RARB: variants seen among roughly 807,000 people sequenced by gnomAD.
RARB encodes retinoic acid receptor beta, also known as HBV-activated protein.
A neutral mutation model predicts 51.9 loss-of-function variants in RARB; 17 were observed. That is an observed-to-expected ratio of 0.33 (90% CI 0.22 to 0.49). RARB has a LOEUF of 0.49. RARB is among the 20% of genes least tolerant of loss of function. The pLI is 0.99. For synonymous variants in RARB, 215 were observed against 195.4 expected, an observed-to-expected ratio of 1.10 and a Z score of -0.84; for missense variants, 369 against 550.8, an observed-to-expected ratio of 0.67 and a Z score of 3.30.
chr3:25,381,441 C>T (rs540174207), intron 5 of RARB, among the ~76,000 whole-genome samples: 1 of 152,198 alleles, frequency 6.6e-6, no homozygotes, highest in African/African-American at 2.4e-5. Flanking sequence ...CTCCGGATCA[C>T]ATTTGTCAAA....
At chr3:24,985,190 T>A (rs909158054) in intron 2 of RARB, among the ~76,000 whole-genome samples, 1 of 152,204 alleles carries the variant, frequency 6.6e-6, no homozygotes, top group African/African-American at 2.4e-5. Context: ...CTCGTTCACA[T>A]ACTAACTTGT....
chr3:25,459,481 G>T (rs992995724), intron 1 of RARB, among the ~76,000 whole-genome samples: 1 of 152,192 alleles, frequency 6.6e-6, no homozygotes, highest in Non-Finnish European at 1.5e-5. Flanking sequence ...CTATTGGAGG[G>T]CTTTAGATAG....
At chr3:25,593,839 A>G (rs1385076811) in intron 6 of RARB, 132 bp downstream of exon 6, 31 of 786,438 alleles carry the variant, frequency 3.9e-5, no homozygotes, top group Non-Finnish European at 5.4e-5. Context: ...CCAGGCATAC[A>G]TGCCTGGTTT....
intron 5 of RARB, among the ~76,000 whole-genome samples, chr3:25,365,933 G>A (rs556656865): frequency 2.6e-4 from 40 of 152,330 alleles, no homozygotes; most frequent in African/African-American, 9.4e-4. Flanking sequence ...TCCATTCATG[G>A]AGAGGAAACA....
At chr3:25,550,828 G>A (rs1243193533) in intron 3 of RARB, among the ~76,000 whole-genome samples, 1 of 152,126 alleles carries the variant, frequency 6.6e-6, no homozygotes, top group African/African-American at 2.4e-5. Context: ...TTATAAGTGA[G>A]GACATGTGGT....
intron 3 of RARB, among the ~76,000 whole-genome samples, chr3:25,560,563 C>T (rs139242852): frequency 6.6e-6 from 1 of 152,218 alleles, no homozygotes; most frequent in East Asian, 1.9e-4. Context: ...TTCAGACAGA[C>T]AGTCCTAACA....
At position 25,327,854 on chromosome 3, in the gene RARB, T is replaced by A. The variant is rs894701818; in HGVS notation, c.179-133339T>A. ...GACTATAGGCAAGTAATACTAATAATGAGGTATATGAAAGAAAATTAAGAG... is the reference window on the plus strand; with the variant it reads ...GACTATAGGCAAGTAATACTAATAAAGAGGTATATGAAAGAAAATTAAGAG... On this transcript the variant is annotated intron_variant, in intron 5 of 11. Transcript: ENST00000383772. Among the ~76,000 whole-genome samples the A allele has an allele frequency of 3.9e-5, 6 of 152,188 alleles. No individual in the cohort carries two copies. In the South Asian group the frequency reaches 1.2e-3, roughly 31 times the overall value.
intron 3 of RARB, among the ~76,000 whole-genome samples, chr3:25,117,656 G>A (rs969156884): frequency 6.6e-6 from 1 of 152,086 alleles, no homozygotes; most frequent in Non-Finnish European, 1.5e-5. Context: ...CTGAGCTTAG[G>A]GTAATGGCAG....
At chr3:24,867,418 C>T (rs1702871005) in intron 2 of RARB, among the ~76,000 whole-genome samples, 1 of 152,132 alleles carries the variant, frequency 6.6e-6, no homozygotes, top group African/African-American at 2.4e-5. Context: ...GCGAAGGCAG[C>T]CTCACTTTCC....
rs200080822 is a variant in RARB, at chr3:24,836,152, GAT to G, written c.-459+6751_-459+6752del. On this transcript the variant is annotated intron_variant, in intron 1 of 11. Transcript: ENST00000383772. ...CTAGATCTGAGCAGAAGAGAAATAAGATAGCATTGTGTAAAGGAAATGAACCT... is the reference window on the plus strand; with the variant it reads ...CTAGATCTGAGCAGAAGAGAAATAAGAGCATTGTGTAAAGGAAATGAACCT... Among the ~76,000 whole-genome samples, 1,142 of 152,302 alleles carry G rather than the reference GAT, an allele frequency of 7.5e-3. 16 individuals are homozygous for G. The highest frequency in any genetic ancestry group is 0.017 in the Middle Eastern group (5 of 294).
At chr3:25,450,856 A>AG (rs1338695376) in intron 1 of RARB, among the ~76,000 whole-genome samples, 1 of 152,112 alleles carries the variant, frequency 6.6e-6, no homozygotes, top group African/African-American at 2.4e-5. Flanking sequence ...GAGGCCAAGG[A>AG]GGAGGATCAC....
chr3:25,401,424 C>A lies in RARB; in HGVS notation c.179-59769C>A, dbSNP rs1707260335. On this transcript the variant is annotated intron_variant, in intron 5 of 11. Coordinates refer to the RARB transcript ENST00000383772. The stretch of plus-strand genomic sequence containing the variant: ...ACGTTCCTCGCTCTACCAAAACTTA[C>A]CAGACATACTAAGAAATAAGACCAG... 2.0e-5 allele frequency among the ~76,000 whole-genome samples: 3 copies of A among 152,218 alleles called. No individual in the cohort carries two copies. In the South Asian group the frequency reaches 6.2e-4, roughly 32 times the overall value.
At chr3:25,000,110 G>T (rs573399480) in intron 2 of RARB, among the ~76,000 whole-genome samples, 129 of 152,170 alleles carry the variant, frequency 8.5e-4, no homozygotes, top group Non-Finnish European at 9.9e-4. Context: ...AAGGAAAAAG[G>T]TGTTATGTTT....
intron 3 of RARB, among the ~76,000 whole-genome samples, chr3:25,066,128 C>A (rs780342289): frequency 3.3e-5 from 5 of 152,158 alleles, no homozygotes; most frequent in African/African-American, 4.8e-5. Flanking sequence ...GCTGCCCTTT[C>A]ATTTTAATGT....
At chr3:25,353,735 T>C (rs943699571) in intron 5 of RARB, among the ~76,000 whole-genome samples, 2 of 152,100 alleles carry the variant, frequency 1.3e-5, no homozygotes, top group East Asian at 3.9e-4. Flanking sequence ...TTTTCTTCTT[T>C]GGCCAGATAA....
chr3:25,259,591 T>G, intron 5 of RARB, among the ~76,000 whole-genome samples: 1 of 152,250 alleles, frequency 6.6e-6, no homozygotes, highest in Non-Finnish European at 1.5e-5. Flanking sequence ...TGACTGGACT[T>G]CACATGAGCA....
chr3:25,297,555 C>T (rs925246162), intron 5 of RARB, among the ~76,000 whole-genome samples: 2 of 151,878 alleles, frequency 1.3e-5, no homozygotes, highest in African/African-American at 4.8e-5. Flanking sequence ...TTCTTGTAAT[C>T]TGAAACAGCT....
intron 1 of RARB, among the ~76,000 whole-genome samples, chr3:25,449,876 C>T (rs1171252967): frequency 2.0e-5 from 3 of 152,028 alleles, no homozygotes; most frequent in South Asian, 2.1e-4. Flanking sequence ...CCCAGCCTCC[C>T]GAGTAACTGA....
intron 5 of RARB, among the ~76,000 whole-genome samples, chr3:25,186,092 G>A (rs974440952): frequency 6.6e-6 from 1 of 151,616 alleles, no homozygotes; most frequent in Non-Finnish European, 1.5e-5. Flanking sequence ...AAATATATAA[G>A]AGCATAAAGT....
Sources: gnomAD v4.1 joint callset for allele counts (sites outside exome capture counted in the v4.1 genomes callset) on GRCh38, gnomAD v4.1.1 for gene constraint, MANE v1.5 for transcripts, NCBI Gene and HGNC (gene_info 2026-07-23, HGNC 2026-07-21) for gene names.